HMGCLL1: variants seen among roughly 807,000 people sequenced by gnomAD.
The protein encoded by HMGCLL1 is 3-hydroxymethyl-3-methylglutaryl-CoA lyase, cytoplasmic.
Under a neutral mutation model 39.1 loss-of-function variants are expected in HMGCLL1, and 36 were observed. That is an observed-to-expected ratio of 0.92 (90% CI 0.71 to 1.22). The LOEUF is 1.22. HMGCLL1 is among the 50% of genes most tolerant of loss of function. HMGCLL1 has a pLI of 0.00. For synonymous variants in HMGCLL1, 149 were observed against 144.0 expected, an observed-to-expected ratio of 1.03 and a Z score of -0.25; for missense variants, 451 against 416.5, an observed-to-expected ratio of 1.08 and a Z score of -0.72.
chr6:55,546,577 C>G (rs559926795), intron 1 of HMGCLL1, among the ~76,000 whole-genome samples: 17 of 152,220 alleles, frequency 1.1e-4, no homozygotes, highest in African/African-American at 4.1e-4. Flanking sequence ...CTGCCCATAA[C>G]TAGCTTACAT....
At chr6:55,553,348 G>T (rs1770471190) in intron 1 of HMGCLL1, among the ~76,000 whole-genome samples, 1 of 151,738 alleles carries the variant, frequency 6.6e-6, no homozygotes, top group Non-Finnish European at 1.5e-5. Context: ...TGAGGCAGGA[G>T]AATTGCTTGA....
Position 55,470,853 on chromosome 6 carries a change from A to T in HMGCLL1, c.795+24566T>A, listed in dbSNP as rs555300189. 5.3e-5 allele frequency among the ~76,000 whole-genome samples: 8 copies of T among 151,760 alleles called. No individual in the cohort carries two copies. In the East Asian group the frequency reaches 9.7e-4, roughly 18 times the overall value. On this transcript the variant is annotated intron_variant, in intron 7 of 8. Coordinates refer to ENST00000274901, the MANE Select transcript of HMGCLL1 (RefSeq NM_001042406.2). ...GAGAGCATGAAGAGGGAACTGCCAA[A>T]CACTTTTAAAACCATCAGTTATCAT...
intron 3 of HMGCLL1, among the ~76,000 whole-genome samples, chr6:55,529,958 G>A (rs1768554261): frequency 6.6e-6 from 1 of 151,302 alleles, no homozygotes; most frequent in Non-Finnish European, 1.5e-5. Context: ...TATCATACAT[G>A]AGTAAGAGTC....
chr6:55,490,504 A>G (rs1021852207), intron 7 of HMGCLL1, among the ~76,000 whole-genome samples: 2 of 152,146 alleles, frequency 1.3e-5, no homozygotes, highest in African/African-American at 4.8e-5. Flanking sequence ...CCATTTGATC[A>G]GCATGGATGA....
intron 1 of HMGCLL1, among the ~76,000 whole-genome samples, chr6:55,570,419 A>G (rs576287598): frequency 2.0e-5 from 3 of 152,306 alleles, no homozygotes; most frequent in African/African-American, 7.2e-5. Context: ...AGAGACTAGA[A>G]TTAAGGATGG....
At chr6:55,560,515 C>A (rs1770893407) in intron 1 of HMGCLL1, among the ~76,000 whole-genome samples, 2 of 152,126 alleles carry the variant, frequency 1.3e-5, no homozygotes, top group Admixed American at 1.3e-4. Context: ...TCTGTTAAGT[C>A]TTTTCCATAA....
intron 5 of HMGCLL1, among the ~76,000 whole-genome samples, chr6:55,506,169 C>T (rs1767151575): frequency 6.6e-6 from 1 of 151,732 alleles, no homozygotes; most frequent in South Asian, 2.1e-4. Context: ...ACTACAAGCT[C>T]AGACCCGGGA....
the HMGCLL1 span, among the ~76,000 whole-genome samples, chr6:55,596,792 A>G: frequency 3.9e-5 from 6 of 152,126 alleles, no homozygotes; most frequent in Non-Finnish European, 7.4e-5. Flanking sequence ...GTATCCCTGG[A>G]AGTTCAATTT....
chr6:55,626,239 C>A, the HMGCLL1 span, among the ~76,000 whole-genome samples: 2 of 152,140 alleles, frequency 1.3e-5, no homozygotes, highest in Non-Finnish European at 2.9e-5. Context: ...GTTTCCCTAT[C>A]CTGCACACAA....
chr6:55,501,211 T>G (rs1766863195), intron 5 of HMGCLL1, among the ~76,000 whole-genome samples: 1 of 151,912 alleles, frequency 6.6e-6, no homozygotes. Context: ...GCTAATGTGA[T>G]GGTTCTCAGC....
chr6:55,570,148 A>G (rs1460975181), intron 1 of HMGCLL1, among the ~76,000 whole-genome samples: 1 of 152,216 alleles, frequency 6.6e-6, no homozygotes, highest in African/African-American at 2.4e-5. Flanking sequence ...CCAATATATT[A>G]TTCCCAAGAA....
intron 1 of HMGCLL1, among the ~76,000 whole-genome samples, chr6:55,566,283 G>C (rs1451008113): frequency 6.6e-6 from 1 of 152,084 alleles, no homozygotes; most frequent in Non-Finnish European, 1.5e-5. Context: ...TCTCTTTGGG[G>C]CTTCCTGCCT....
intron 7 of HMGCLL1, among the ~76,000 whole-genome samples, chr6:55,448,153 A>C (rs1395196705): frequency 6.6e-6 from 1 of 152,084 alleles, no homozygotes; most frequent in African/African-American, 2.4e-5. Context: ...AAATATTCAG[A>C]TAGATTGATG....
the HMGCLL1 span, among the ~76,000 whole-genome samples, chr6:55,596,871 T>C: frequency 6.6e-6 from 1 of 152,168 alleles, no homozygotes; most frequent in Non-Finnish European, 1.5e-5. Context: ...CTATTTACTA[T>C]GTAGACATTG....
At chr6:55,546,515 T>C (rs1323569342) in intron 1 of HMGCLL1, among the ~76,000 whole-genome samples, 4 of 152,164 alleles carry the variant, frequency 2.6e-5, no homozygotes, top group African/African-American at 9.6e-5. Context: ...ACATGCTAAG[T>C]AGCATTATTA....
At chr6:55,498,726 C>A (rs1291146557) in intron 6 of HMGCLL1, among the ~76,000 whole-genome samples, 1 of 152,032 alleles carries the variant, frequency 6.6e-6, no homozygotes, top group African/African-American at 2.4e-5. Flanking sequence ...ATGACTATAA[C>A]CTATTGCTGT....
upstream of HMGCLL1, among the ~76,000 whole-genome samples, chr6:55,581,190 AG>A (rs199834150): frequency 1.1e-4 from 16 of 147,300 alleles, no homozygotes; most frequent in Admixed American, 6.7e-4. Flanking sequence ...AAGAACATTT[AG>A]GGAAAAAAAA....
At chr6:55,623,917 A>G in the HMGCLL1 span, among the ~76,000 whole-genome samples, 4 of 152,076 alleles carry the variant, frequency 2.6e-5, no homozygotes, top group Non-Finnish European at 4.4e-5. Context: ...GGATGAGTCC[A>G]GGGACCGACT....
At chr6:55,626,163 T>C in the HMGCLL1 span, among the ~76,000 whole-genome samples, 1 of 152,226 alleles carries the variant, frequency 6.6e-6, no homozygotes, top group East Asian at 1.9e-4. Flanking sequence ...GTTGATTATA[T>C]TGGACCTCTT....
Sources: allele counts gnomAD v4.1 joint callset (sites outside exome capture counted in the v4.1 genomes callset), GRCh38; gene constraint gnomAD v4.1.1; transcripts MANE v1.5; gene names NCBI Gene and HGNC (gene_info 2026-07-23, HGNC 2026-07-21).